HHAT: variants seen among roughly 807,000 people sequenced by gnomAD.
HHAT encodes protein-cysteine N-palmitoyltransferase HHAT.
HHAT carries 47 observed loss-of-function variants against 70.8 expected under a neutral mutation model. The observed-to-expected ratio is 0.66, with a 90% CI of 0.53 to 0.85. The LOEUF is 0.85. Ranked by LOEUF, HHAT falls within the 40% of genes least tolerant of loss-of-function variation. HHAT has a pLI of 0.00. For synonymous variants in HHAT, 228 were observed against 247.6 expected (o/e 0.92, Z 0.74); for missense variants, 609 against 604.8 (o/e 1.01, Z -0.07).
intron 8 of HHAT, among the ~76,000 whole-genome samples, chr1:210,491,119 ATGG>A (rs1316386332): frequency 6.6e-6 from 1 of 151,484 alleles, no homozygotes; most frequent in African/African-American, 2.4e-5. Flanking sequence ...GTGGGAAGAA[ATGG>A]TGGAGGGGCA....
At chr1:210,621,905 CCA>C (rs1257423044) in intron 10 of HHAT, among the ~76,000 whole-genome samples, 1 of 152,180 alleles carries the variant, frequency 6.6e-6, no homozygotes, top group African/African-American at 2.4e-5. Context: ...AAAGCACGTT[CCA>C]CAGTGATGTT....
intron 3 of HHAT, among the ~76,000 whole-genome samples, chr1:210,384,001 C>G (rs937659499): frequency 5.3e-5 from 8 of 151,986 alleles, no homozygotes; most frequent in African/African-American, 1.7e-4. Context: ...GGGGGTCTTC[C>G]TATTTAGACT....
At chr1:210,350,566 T>C (rs115151774) in intron 2 of HHAT, among the ~76,000 whole-genome samples, 15 of 152,372 alleles carry the variant, frequency 9.8e-5, no homozygotes, top group Admixed American at 5.2e-4. Flanking sequence ...TTTCAAATTC[T>C]ACTTATTTCA....
At chr1:210,397,439 T>C (rs926581) in intron 4 of HHAT, among the ~76,000 whole-genome samples, 99,908 of 152,010 alleles carry the variant, frequency 0.66, 33,557 homozygotes, top group African/African-American at 0.81. Context: ...ACGTACAGTA[T>C]GTGTGTGACC....
At chr1:210,657,682 T>G (rs1676729477) in intron 11 of HHAT, among the ~76,000 whole-genome samples, 1 of 152,252 alleles carries the variant, frequency 6.6e-6, no homozygotes, top group South Asian at 2.1e-4. Context: ...TCACGTAGTT[T>G]AGGCATCACT....
At chr1:210,618,209 G>T (rs1668131987) in intron 10 of HHAT, among the ~76,000 whole-genome samples, 1 of 152,136 alleles carries the variant, frequency 6.6e-6, no homozygotes, top group Admixed American at 6.5e-5. Flanking sequence ...GAATGACTTT[G>T]GAATCTGAGT....
In HHAT at chr1:210,675,291, T is replaced by C. The variant is rs1680933344; in HGVS notation, c.*912T>C. The C allele has an allele frequency of 6.6e-6, 1 of 152,238 alleles. No homozygotes were observed. Among genetic ancestry groups the C allele is most frequent in the African/African-American group, 2.4e-5 (1 of 41,468 alleles). 9.4% of individuals were successfully genotyped at this position (152,238 alleles called of 1,614,324 possible). ...AAGGTTTGATTCAAACAGAGCCTTT[T>C]CTGTCCTGTAGATAATCTACATGTT... On this transcript the variant is annotated 3_prime_UTR_variant, in exon 12 of 12. Coordinates refer to ENST00000261458, the MANE Select transcript of HHAT (RefSeq NM_018194.6).
intron 9 of HHAT, among the ~76,000 whole-genome samples, chr1:210,551,767 ACTTTACAGAAG>A (rs2095529873): frequency 6.6e-6 from 1 of 152,238 alleles, no homozygotes; most frequent in African/African-American, 2.4e-5. Context: ...TAACCCAGGT[ACTTTACAGAAG>A]CTTTTGCCTT....
rs138327418 is a variant in HHAT at position 210,349,043 on chromosome 1, A to G, written c.68A>G (p.Tyr23Cys). Residue 23 changes from tyrosine (Y) to cysteine (C), a missense_variant, in exon 2 of 12, where the codon TAT becomes TGT. Physicochemically the swap from Tyr to Cys is radical, Grantham distance 194. Transcript: ENST00000261458. ...ASLGFHFYSF[Y>C]EVYKVSREHE... ...CTAGGCTTCCACTTCTATTCCTTCT[A>G]TGAAGTTTACAAAGTCTCCAGAGGT... is the stretch of plus-strand genomic sequence containing the variant. 468 of 1,614,028 alleles carry G rather than the reference A, an allele frequency of 2.9e-4. 2 individuals carry two copies. In the African/African-American group the frequency reaches 5.3e-3, roughly 18 times the overall value.
chr1:210,616,425 G>A (rs1225017888), intron 10 of HHAT, among the ~76,000 whole-genome samples: 1 of 151,990 alleles, frequency 6.6e-6, no homozygotes, highest in Non-Finnish European at 1.5e-5. Flanking sequence ...ATTTTCTGGG[G>A]AGATTTGCTA....
chr1:210,644,448 T>G (rs1373609381), intron 11 of HHAT, among the ~76,000 whole-genome samples: 1 of 151,534 alleles, frequency 6.6e-6, no homozygotes, highest in Non-Finnish European at 1.5e-5. Flanking sequence ...ACTAAAAATA[T>G]AAAAATTAGC....
intron 10 of HHAT, among the ~76,000 whole-genome samples, chr1:210,603,067 T>C (rs1334404069): frequency 6.6e-6 from 1 of 152,238 alleles, no homozygotes; most frequent in East Asian, 1.9e-4. Context: ...CAGTTATTCC[T>C]GGACTGATGA....
intron 6 of HHAT, among the ~76,000 whole-genome samples, chr1:210,414,908 CT>C (rs1035189711): frequency 2.0e-5 from 3 of 152,044 alleles, no homozygotes; most frequent in African/African-American, 7.2e-5. Flanking sequence ...ATTCCAGCTA[CT>C]TGGGAGGCTA....
chr1:210,622,646 C>T (rs1039074075), intron 10 of HHAT, among the ~76,000 whole-genome samples: 3 of 152,222 alleles, frequency 2.0e-5, no homozygotes, highest in Non-Finnish European at 4.4e-5. Context: ...TACACTTCAT[C>T]CTCAGTGCCG....
intron 8 of HHAT, among the ~76,000 whole-genome samples, chr1:210,492,303 G>T (rs2094564852): frequency 6.6e-6 from 1 of 152,036 alleles, no homozygotes; most frequent in Admixed American, 6.6e-5. Context: ...GCACAATAAT[G>T]GTCTGTTTAC....
At chr1:210,531,238 G>A (rs2095311648) in intron 9 of HHAT, among the ~76,000 whole-genome samples, 1 of 152,042 alleles carries the variant, frequency 6.6e-6, no homozygotes, top group Admixed American at 6.6e-5. Flanking sequence ...CATATATGCA[G>A]TCTGTTGTTG....
chr1:210,578,577 C>A (rs1314369117), intron 9 of HHAT, among the ~76,000 whole-genome samples: 1 of 152,136 alleles, frequency 6.6e-6, no homozygotes, highest in African/African-American at 2.4e-5. Context: ...ACCTAAATAT[C>A]TATTGATACA....
chr1:210,525,186 C>T (rs183187286), intron 9 of HHAT, among the ~76,000 whole-genome samples: 9 of 152,160 alleles, frequency 5.9e-5, no homozygotes, highest in East Asian at 5.8e-4. Context: ...AGCACCCTTG[C>T]GTTGATGCCC....
intron 1 of HHAT, among the ~76,000 whole-genome samples, chr1:210,340,242 G>GGGGGGAAAA (rs1553313987): frequency 3.0e-5 from 3 of 99,782 alleles, no homozygotes; most frequent in African/African-American, 1.0e-4. Flanking sequence ...CTCTGTCTCA[G>GGGGGGAAAA]AAAAAAAAAA....
Sources: allele counts gnomAD v4.1 joint callset (sites outside exome capture counted in the v4.1 genomes callset), GRCh38; gene constraint gnomAD v4.1.1; transcripts MANE v1.5; gene names NCBI Gene and HGNC (gene_info 2026-07-23, HGNC 2026-07-21).